Variants in AGFG1 observed in about 807,000 individuals in gnomAD.
The protein encoded by AGFG1 is ArfGAP with FG repeats 1, also known as arf-GAP domain and FG repeat-containing protein 1.
AGFG1 carries 10 observed loss-of-function variants against 60.6 expected under a neutral mutation model. That is an observed-to-expected ratio of 0.16 (90% CI 0.10 to 0.28). AGFG1 has a LOEUF of 0.28. Ranked by LOEUF, AGFG1 falls within the 10% of genes least tolerant of loss-of-function variation. The pLI, the probability that AGFG1 is intolerant of heterozygous loss-of-function variation, is 1.00. For missense variants in AGFG1, 537 were observed against 676.5 expected (o/e 0.79, Z 2.29); for synonymous variants, 247 against 242.9 (o/e 1.02, Z -0.16).
chr2:227,557,940 G>C lies in AGFG1; in HGVS notation c.*3445G>C, dbSNP rs1693022353. 6.6e-6 allele frequency: 1 copy of C among 152,190 alleles called. No individual in the cohort carries two copies. The highest frequency in any genetic ancestry group is 1.5e-5 in the Non-Finnish European group (1 of 68,034). 9.4% of individuals were successfully genotyped at this position (152,190 alleles called of 1,614,324 possible). On this transcript the variant is annotated 3_prime_UTR_variant, in exon 13 of 13. Transcript: ENST00000310078. ...ACCATTAAGGGTCTCCAGACTCTTTGAGAACCACTATACTTTAAATTTGTG... is the reference window on the plus strand; with the variant it reads ...ACCATTAAGGGTCTCCAGACTCTTTCAGAACCACTATACTTTAAATTTGTG...
chr2:227,529,953 G>A (rs1474719750), intron 5 of AGFG1, among the ~76,000 whole-genome samples: 1 of 151,720 alleles, frequency 6.6e-6, no homozygotes, highest in Non-Finnish European at 1.5e-5. Flanking sequence ...TAAATGTTGG[G>A]AATTCATGGG....
intron 11 of AGFG1, 57 bp from the exon 12 acceptor site, chr2:227,553,647 A>G (rs1692888550): frequency 7.3e-7 from 1 of 1,367,648 alleles, no homozygotes; most frequent in Admixed American, 1.8e-5. Context: ...AGGCTTTATA[A>G]GCATCAGATT....
At chr2:227,523,270 T>G (rs970628971) in intron 3 of AGFG1, among the ~76,000 whole-genome samples, 2 of 152,242 alleles carry the variant, frequency 1.3e-5, no homozygotes, top group Non-Finnish European at 2.9e-5. Context: ...TGTGAATTGC[T>G]TCTTTTGTTC....
chr2:227,553,495 C>CA (rs5839218), intron 11 of AGFG1, among the ~76,000 whole-genome samples: 75,952 of 119,964 alleles, frequency 0.63, 22,827 homozygotes, highest in South Asian at 0.75. Context: ...GATCATGTCT[C>CA]AAAAAAAAAA....
rs1169366068 is a variant in AGFG1, at chr2:227,558,552, A to T, written c.*4057A>T. ...TATACACTTTTAAAATTTATTTTTT[A>T]AAAGGTGATATTAAAATTTGTATTT... On this transcript the variant is annotated 3_prime_UTR_variant, in exon 13 of 13. Coordinates refer to ENST00000310078, the MANE Select transcript of AGFG1 (RefSeq NM_004504.5). 3 of 152,162 alleles carry T rather than the reference A, an allele frequency of 2.0e-5. No individual in the cohort carries two copies. Among genetic ancestry groups the T allele is most frequent in the Non-Finnish European group, 1.5e-5 (1 of 68,024 alleles). 9.4% of individuals were successfully genotyped at this position (152,162 alleles called of 1,614,324 possible). A position where few individuals can be genotyped will look rare whatever the true frequency, so the allele number is the denominator to read the frequency against.
chr2:227,553,138 G>A (rs1221974556), intron 11 of AGFG1, among the ~76,000 whole-genome samples: 1 of 152,008 alleles, frequency 6.6e-6, no homozygotes, highest in Admixed American at 6.6e-5. Context: ...ATAGTCACAA[G>A]CTCGTCTAGT....
intron 2 of AGFG1, among the ~76,000 whole-genome samples, chr2:227,496,140 C>T (rs952270150): frequency 9.0e-5 from 13 of 143,838 alleles, no homozygotes; most frequent in Non-Finnish European, 1.8e-4. Context: ...AAAAAGAAGA[C>T]ATTATTATTA....
rs1427477901 is a variant in AGFG1, at chr2:227,524,670, T to G, written c.541-92T>G. 1.1e-4 allele frequency: 139 copies of G among 1,294,416 alleles called. 1 individual carries two copies. The highest frequency in any genetic ancestry group is 1.4e-4 in the Non-Finnish European group (124 of 912,938). 80.2% of individuals were successfully genotyped at this position (1,294,416 alleles called of 1,614,324 possible). On this transcript the variant is annotated intron_variant, in intron 4 of 12. Coordinates refer to ENST00000310078, the MANE Select transcript of AGFG1 (RefSeq NM_004504.5). Reference sequence around the variant, plus strand: ...ACTCAGCATACTGTAACTCTTCGTATGTATAAGTGTGTTTTAAGTTTGCAG... The same window carrying G: ...ACTCAGCATACTGTAACTCTTCGTAGGTATAAGTGTGTTTTAAGTTTGCAG...
At chr2:227,502,692 G>GT (rs576906994) in intron 2 of AGFG1, among the ~76,000 whole-genome samples, 3 of 152,102 alleles carry the variant, frequency 2.0e-5, no homozygotes, top group Non-Finnish European at 2.9e-5. Context: ...CAATTTATTA[G>GT]TTTTTTGTTT....
chr2:227,482,086 C>T (rs185520562), intron 1 of AGFG1, among the ~76,000 whole-genome samples: 46 of 152,086 alleles, frequency 3.0e-4, no homozygotes, highest in African/African-American at 5.5e-4. Flanking sequence ...AGGATGGTCT[C>T]GATCTCCTGA....
chr2:227,477,442 A>G (rs1211244493), intron 1 of AGFG1, among the ~76,000 whole-genome samples: 1 of 152,218 alleles, frequency 6.6e-6, no homozygotes, highest in Non-Finnish European at 1.5e-5. Context: ...TTTTGCTGTT[A>G]TAACCTGCTA....
At chr2:227,487,259 A>G (rs932965680) in intron 1 of AGFG1, among the ~76,000 whole-genome samples, 1 of 152,048 alleles carries the variant, frequency 6.6e-6, no homozygotes, top group Non-Finnish European at 1.5e-5. Flanking sequence ...CTTTTTTTCT[A>G]CTGCAGAGTA....
At chr2:227,487,476 A>G (rs1690677040) in intron 1 of AGFG1, among the ~76,000 whole-genome samples, 2 of 152,188 alleles carry the variant, frequency 1.3e-5, no homozygotes, top group East Asian at 3.8e-4. Context: ...TAAGTGCATA[A>G]TGTCATACTT....
At chr2:227,547,417 G>A (rs963639415) in intron 10 of AGFG1, among the ~76,000 whole-genome samples, 6 of 152,112 alleles carry the variant, frequency 3.9e-5, no homozygotes, top group African/African-American at 1.4e-4. Context: ...TTTTAAAAAG[G>A]AGCCAGAAAT....
intron 1 of AGFG1, among the ~76,000 whole-genome samples, chr2:227,486,067 A>G (rs73081471): frequency 0.018 from 2,816 of 152,290 alleles, 87 homozygotes; most frequent in African/African-American, 0.064. Flanking sequence ...CTAGGATCCT[A>G]TGTAACCTGA....
At chr2:227,499,834 A>G (rs1383256443) in intron 2 of AGFG1, among the ~76,000 whole-genome samples, 2 of 152,212 alleles carry the variant, frequency 1.3e-5, no homozygotes, top group Non-Finnish European at 2.9e-5. Context: ...CTGCCGGCTT[A>G]AAGTCCCTGG....
At chr2:227,509,937 G>GTGAAAGGCAGAGTAAATAAAAT (rs1691447201) in intron 2 of AGFG1, among the ~76,000 whole-genome samples, 1 of 152,144 alleles carries the variant, frequency 6.6e-6, no homozygotes, top group Non-Finnish European at 1.5e-5. Context: ...AAGGAAACTC[G>GTGAAAGGCAGAGTAAATAAAAT]TGAAAGGCAG....
At chr2:227,504,376 A>G (rs1321416670) in intron 2 of AGFG1, among the ~76,000 whole-genome samples, 1 of 152,056 alleles carries the variant, frequency 6.6e-6, no homozygotes, top group African/African-American at 2.4e-5. Flanking sequence ...TATTTTGAGT[A>G]GAGATAGAGC....
intron 5 of AGFG1, among the ~76,000 whole-genome samples, chr2:227,526,240 C>A (rs925477819): frequency 1.3e-5 from 2 of 151,928 alleles, no homozygotes; most frequent in Non-Finnish European, 2.9e-5. Context: ...GCTCTCTCGC[C>A]GAGGCTGGAG....
Sources: gnomAD v4.1 joint callset for allele counts (sites outside exome capture counted in the v4.1 genomes callset) on GRCh38, gnomAD v4.1.1 for gene constraint, MANE v1.5 for transcripts, NCBI Gene and HGNC (gene_info 2026-07-23, HGNC 2026-07-21) for gene names.